Variants in STAG1 observed in about 807,000 individuals in gnomAD.
STAG1 encodes the protein STAG1 cohesin complex component, also known as cohesin subunit SA-1.
STAG1 carries 26 observed loss-of-function variants against 170.9 expected under a neutral mutation model. That is an observed-to-expected ratio of 0.15 (90% CI 0.11 to 0.21). The LOEUF (loss-of-function observed/expected upper bound fraction) is 0.21. STAG1 is among the 10% of genes least tolerant of loss of function. STAG1 has a pLI of 1.00. For missense variants in STAG1, 964 were observed against 1,509.5 expected (o/e 0.64, Z 5.99); for synonymous variants, 514 against 497.7 (o/e 1.03, Z -0.44).
chr3:136,385,846 T>A (rs2086858422), intron 22 of STAG1, among the ~76,000 whole-genome samples: 1 of 151,940 alleles, frequency 6.6e-6, no homozygotes, highest in African/African-American at 2.4e-5. Flanking sequence ...GGAATATAGA[T>A]GTGTGCTACC....
chr3:136,718,864 T>C (rs1356346723), intron 1 of STAG1, among the ~76,000 whole-genome samples: 1 of 150,372 alleles, frequency 6.7e-6, no homozygotes, highest in Non-Finnish European at 1.5e-5. Flanking sequence ...GAGACGGAGG[T>C]TGCGGTGAGC....
rs553246353 is a variant in STAG1 at position 136,575,551 on chromosome 3, A to G, written c.298-6690T>C. Among the ~76,000 whole-genome samples the G allele has an allele frequency of 1.3e-4, 19 of 151,646 alleles. 2 individuals are homozygous for G. The South Asian group carries it at 3.5e-3, about 28-fold the overall frequency. The stretch of plus-strand genomic sequence containing the variant: ...ATTGTCTCTATCTGGAGGATAAGGA[A>G]AAGTATGCAATATAATTCCAACAGA... On this transcript the variant is annotated intron_variant, in intron 4 of 33. Coordinates refer to ENST00000383202, the MANE Select transcript of STAG1 (RefSeq NM_005862.3).
intron 1 of STAG1, among the ~76,000 whole-genome samples, chr3:136,711,453 C>A (rs1363752532): frequency 6.6e-6 from 1 of 151,826 alleles, no homozygotes; most frequent in Non-Finnish European, 1.5e-5. Flanking sequence ...CCCAGCTACT[C>A]GGGAGGCTGA....
At chr3:136,500,063 T>C (rs1005767151) in intron 9 of STAG1, 160 bp downstream of exon 9, 5 of 551,078 alleles carry the variant, frequency 9.1e-6, no homozygotes, top group Middle Eastern at 5.2e-4. Flanking sequence ...AGTCATACAA[T>C]TTCTTCTATA....
intron 15 of STAG1, among the ~76,000 whole-genome samples, chr3:136,442,404 A>G (rs991629227): frequency 6.6e-6 from 1 of 152,242 alleles, no homozygotes; most frequent in Non-Finnish European, 1.5e-5. Flanking sequence ...GAATATGCGT[A>G]TAAGCTTTCA....
At chr3:136,580,104 A>G (rs1559889893) in intron 4 of STAG1, among the ~76,000 whole-genome samples, 1 of 151,192 alleles carries the variant, frequency 6.6e-6, no homozygotes. Context: ...AGTAGCTGGG[A>G]CTACAGGCGT....
chr3:136,574,347 C>T (rs1438429070), intron 4 of STAG1, among the ~76,000 whole-genome samples: 1 of 149,228 alleles, frequency 6.7e-6, no homozygotes, highest in Admixed American at 6.6e-5. Flanking sequence ...TGTGTATACA[C>T]ACACACACAC....
At chr3:136,556,740 G>GC (rs1559877245) in intron 5 of STAG1, among the ~76,000 whole-genome samples, 1 of 151,310 alleles carries the variant, frequency 6.6e-6, no homozygotes, top group Non-Finnish European at 1.5e-5. Flanking sequence ...ACACCACCAC[G>GC]CCCCACTAAT....
chr3:136,543,223 AACT>A (rs1400575985), intron 5 of STAG1, among the ~76,000 whole-genome samples: 1 of 152,208 alleles, frequency 6.6e-6, no homozygotes, highest in Non-Finnish European at 1.5e-5. Context: ...TAAAAATTTG[AACT>A]ACATGAATAT....
intron 1 of STAG1, among the ~76,000 whole-genome samples, chr3:136,715,711 TACAAA>T (rs1316762257): frequency 6.6e-6 from 1 of 151,832 alleles, no homozygotes; most frequent in Non-Finnish European, 1.5e-5. Flanking sequence ...AAAACGTTTT[TACAAA>T]AGGCAAATAA....
At chr3:136,413,969 AT>A (rs1275653208) in intron 21 of STAG1, among the ~76,000 whole-genome samples, 1 of 152,252 alleles carries the variant, frequency 6.6e-6, no homozygotes, top group Non-Finnish European at 1.5e-5. Flanking sequence ...GTGCAATAGC[AT>A]TATGTCTGAA....
intron 1 of STAG1, among the ~76,000 whole-genome samples, chr3:136,666,819 TTAAA>T (rs1941798315): frequency 6.6e-6 from 1 of 150,412 alleles, no homozygotes; most frequent in Admixed American, 6.6e-5. Context: ...AACTCTGTCT[TTAAA>T]AAAAAAAAAA....
At chr3:136,341,103 T>C (rs1176585769) in intron 31 of STAG1, among the ~76,000 whole-genome samples, 1 of 152,230 alleles carries the variant, frequency 6.6e-6, no homozygotes, top group East Asian at 1.9e-4. Flanking sequence ...AGAGACGGGG[T>C]TTCACGATGT....
chr3:136,383,619 A>G (rs1938095852), intron 22 of STAG1, among the ~76,000 whole-genome samples: 1 of 152,156 alleles, frequency 6.6e-6, no homozygotes, highest in Non-Finnish European at 1.5e-5. Flanking sequence ...GATCCTTACA[A>G]CTGTGATAGG....
intron 5 of STAG1, among the ~76,000 whole-genome samples, chr3:136,552,309 A>G (rs2107740014): frequency 1.3e-5 from 2 of 152,348 alleles, no homozygotes; most frequent in South Asian, 4.1e-4. Context: ...TCAGCATTAG[A>G]AGTTACATTT....
intron 22 of STAG1, among the ~76,000 whole-genome samples, chr3:136,379,745 A>T (rs919490500): frequency 2.0e-5 from 3 of 152,164 alleles, no homozygotes; most frequent in Non-Finnish European, 4.4e-5. Flanking sequence ...CTTTTGAGGA[A>T]CTGTTAATTT....
At chr3:136,393,154 C>CT (rs1411948195) in intron 22 of STAG1, among the ~76,000 whole-genome samples, 2 of 152,102 alleles carry the variant, frequency 1.3e-5, no homozygotes, top group African/African-American at 4.8e-5. Flanking sequence ...TTTCAGCTTG[C>CT]TTCTAAATGA....
At chr3:136,529,404 T>C (rs1935251329) in intron 6 of STAG1, among the ~76,000 whole-genome samples, 1 of 152,056 alleles carries the variant, frequency 6.6e-6, no homozygotes, top group Non-Finnish European at 1.5e-5. Flanking sequence ...TAGTCATATA[T>C]AAAGAAACCT....
At chr3:136,420,753 G>A (rs1411962813) in intron 20 of STAG1, among the ~76,000 whole-genome samples, 1 of 152,102 alleles carries the variant, frequency 6.6e-6, no homozygotes, top group Non-Finnish European at 1.5e-5. Flanking sequence ...CCATAGCTGT[G>A]TGCTTACACA....
Sources: gnomAD v4.1 joint callset for allele counts (sites outside exome capture counted in the v4.1 genomes callset) on GRCh38, gnomAD v4.1.1 for gene constraint, MANE v1.5 for transcripts, NCBI Gene and HGNC (gene_info 2026-07-23, HGNC 2026-07-21) for gene names.